Variants in TENM3 observed in about 807,000 individuals in gnomAD.
TENM3 encodes the protein teneurin transmembrane protein 3.
Under a neutral mutation model 255.1 loss-of-function variants are expected in TENM3, and 63 were observed. The ratio of observed to expected loss-of-function variants is 0.25; its 90% CI spans 0.20 to 0.30. The LOEUF (loss-of-function observed/expected upper bound fraction) is 0.30. Ranked by LOEUF, TENM3 falls within the 10% of genes least tolerant of loss-of-function variation. The pLI is 1.00. For missense variants in TENM3, 2,929 were observed against 3,461.1 expected (o/e 0.85, Z 3.86); for synonymous variants, 1,306 against 1,322.3 (o/e 0.99, Z 0.27).
the TENM3 span, among the ~76,000 whole-genome samples, chr4:182,058,166 G>GC: frequency 5.1e-5 from 6 of 116,788 alleles, no homozygotes; most frequent in Admixed American, 1.2e-4. Context: ...ATTTGGGGTG[G>GC]GGGGGGGCAA....
At chr4:181,467,103 GTATA>G in the TENM3 span, among the ~76,000 whole-genome samples, 3 of 66,350 alleles carry the variant, frequency 4.5e-5, no homozygotes, top group African/African-American at 1.7e-4. Context: ...GTGTGTGTGT[GTATA>G]TATATATATA....
the TENM3 span, among the ~76,000 whole-genome samples, chr4:181,916,423 G>T: frequency 1.3e-5 from 2 of 152,142 alleles, no homozygotes; most frequent in Admixed American, 6.6e-5. Flanking sequence ...ACACAGAAGA[G>T]TAATACATAA....
chr4:182,488,681 C>T (rs994447400), intron 3 of TENM3, among the ~76,000 whole-genome samples: 1 of 151,932 alleles, frequency 6.6e-6, no homozygotes, highest in Admixed American at 6.6e-5. Flanking sequence ...GACAGGACAA[C>T]TGAAAGCCTA....
chr4:182,330,459 A>G (rs1014458055), intron 2 of TENM3, among the ~76,000 whole-genome samples: 16 of 152,152 alleles, frequency 1.1e-4, no homozygotes, highest in African/African-American at 3.1e-4. Context: ...TAGGGAGGGC[A>G]CCTCTTGGAT....
intron 1 of TENM3, among the ~76,000 whole-genome samples, chr4:182,296,865 T>C (rs1420409038): frequency 6.6e-6 from 1 of 152,178 alleles, no homozygotes; most frequent in African/African-American, 2.4e-5. Flanking sequence ...TTCTGGGCAA[T>C]ATTTCTTCAT....
At chr4:182,761,322 G>A (rs2152766259) in intron 22 of TENM3, among the ~76,000 whole-genome samples, 1 of 152,128 alleles carries the variant, frequency 6.6e-6, no homozygotes, top group East Asian at 1.9e-4. Context: ...GGGAGGCTGA[G>A]GCAGGAGAAT....
At chr4:181,769,437 A>G in the TENM3 span, among the ~76,000 whole-genome samples, 1 of 152,222 alleles carries the variant, frequency 6.6e-6, no homozygotes, top group Non-Finnish European at 1.5e-5. Context: ...CAGTGTCACC[A>G]TCTACCAAGT....
chr4:181,504,197 C>T, the TENM3 span, among the ~76,000 whole-genome samples: 1 of 152,146 alleles, frequency 6.6e-6, no homozygotes, highest in African/African-American at 2.4e-5. Context: ...ATAGAAGCAG[C>T]CCCCTGGCTT....
the TENM3 span, among the ~76,000 whole-genome samples, chr4:182,051,503 A>G: frequency 1.7e-4 from 25 of 150,372 alleles, no homozygotes; most frequent in African/African-American, 2.7e-4. Context: ...TCAGCCTCCC[A>G]AGTAGCTGGG....
the TENM3 span, among the ~76,000 whole-genome samples, chr4:181,780,661 T>G: frequency 1.3e-5 from 2 of 152,244 alleles, no homozygotes; most frequent in Non-Finnish European, 2.9e-5. Flanking sequence ...TTTGTCAATT[T>G]TGGCTTTTGT....
chr4:182,148,891 T>C, intron 1 of TENM3, among the ~76,000 whole-genome samples: 1 of 152,180 alleles, frequency 6.6e-6, no homozygotes, highest in Admixed American at 6.5e-5. Context: ...TGATACATGT[T>C]GTCCCAATCA....
At chr4:182,262,818 A>G (rs1001214614) in intron 1 of TENM3, among the ~76,000 whole-genome samples, 6 of 142,824 alleles carry the variant, frequency 4.2e-5, no homozygotes, top group Admixed American at 3.7e-4. Flanking sequence ...GGTTCACGCC[A>G]TTCTCCTGCT....
chr4:181,735,722 C>G, the TENM3 span, among the ~76,000 whole-genome samples: 2 of 152,122 alleles, frequency 1.3e-5, no homozygotes, highest in African/African-American at 4.8e-5. Flanking sequence ...CAAACCCACA[C>G]ATTCTAGTAG....
the TENM3 span, among the ~76,000 whole-genome samples, chr4:181,770,794 C>T: frequency 1.3e-5 from 2 of 151,734 alleles, no homozygotes; most frequent in Admixed American, 6.6e-5. Flanking sequence ...CAAACACTAT[C>T]TATGATATGT....
the TENM3 span, among the ~76,000 whole-genome samples, chr4:181,918,712 AAAG>A: frequency 6.6e-6 from 1 of 152,100 alleles, no homozygotes; most frequent in African/African-American, 2.4e-5. Flanking sequence ...CTTTAAAAAA[AAAG>A]AAGTTTAATA....
At chr4:182,741,986 A>G (rs55813428) in intron 18 of TENM3, among the ~76,000 whole-genome samples, 8,445 of 152,336 alleles carry the variant, frequency 0.055, 394 homozygotes, top group Admixed American at 0.13. Flanking sequence ...TCAACAGTGT[A>G]TCTGCTAAGA....
At chr4:181,771,598 A>G in the TENM3 span, among the ~76,000 whole-genome samples, 1 of 152,238 alleles carries the variant, frequency 6.6e-6, no homozygotes, top group African/African-American at 2.4e-5. Context: ...GACAAACTGC[A>G]TCTCTGCCTG....
At chr4:181,838,946 GT>G in the TENM3 span, among the ~76,000 whole-genome samples, 9 of 151,708 alleles carry the variant, frequency 5.9e-5, no homozygotes, top group South Asian at 1.9e-3. Context: ...AAAAATGCAT[GT>G]TTTATTTATT....
At chr4:181,775,102 T>G in the TENM3 span, among the ~76,000 whole-genome samples, 53 of 152,228 alleles carry the variant, frequency 3.5e-4, no homozygotes, top group Admixed American at 1.2e-3. Flanking sequence ...TCCTCTGGAC[T>G]AAATATTGTC....
Sources: allele counts gnomAD v4.1 joint callset (sites outside exome capture counted in the v4.1 genomes callset), GRCh38; gene constraint gnomAD v4.1.1; transcripts MANE v1.5; gene names NCBI Gene and HGNC (gene_info 2026-07-23, HGNC 2026-07-21).